Variants in AR observed in about 807,000 individuals in gnomAD.
The protein encoded by AR is dihydrotestosterone receptor.
AR carries 8 observed loss-of-function variants against 53.9 expected under a neutral mutation model. The ratio of observed to expected loss-of-function variants is 0.15; its 90% confidence interval spans 0.09 to 0.27. The LOEUF (loss-of-function observed/expected upper bound fraction) is 0.27, where lower values mean the gene tolerates loss of function less well. Ranked by LOEUF, AR falls within the 10% of genes least tolerant of loss-of-function variation. The pLI is 1.00. For missense variants in AR, 639 were observed against 742.5 expected (o/e 0.86, Z 1.62); for synonymous variants, 359 against 316.4 (o/e 1.13, Z -1.43).
chrX:67,702,463 G>T (rs1569310137), intron 3 of AR, among the ~76,000 whole-genome samples: 3 of 112,026 alleles, frequency 2.7e-5, no homozygotes, highest in Admixed American at 9.5e-5. Context: ...GATGGTCTTG[G>T]CCCAGATCAT....
chrX:67,570,077 A>G (rs1921746322), intron 1 of AR, among the ~76,000 whole-genome samples: 1 of 112,091 alleles, frequency 8.9e-6, no homozygotes, highest in Non-Finnish European at 1.9e-5. Context: ...ATGAGTGAGC[A>G]TATCCAACTC....
intron 1 of AR, among the ~76,000 whole-genome samples, chrX:67,636,408 G>A (rs1243290483): frequency 9.0e-6 from 1 of 111,187 alleles, no homozygotes; most frequent in African/African-American, 3.3e-5. Context: ...TTATATAATG[G>A]AATCATATTG....
intron 4 of AR, among the ~76,000 whole-genome samples, chrX:67,712,352 G>T (rs1231385325): frequency 8.9e-6 from 1 of 112,443 alleles, no homozygotes; most frequent in Non-Finnish European, 1.9e-5. Flanking sequence ...TGAGAGGAAA[G>T]ATTAGGTAAT....
chrX:67,663,918 C>G (rs1195299957), intron 2 of AR, among the ~76,000 whole-genome samples: 1 of 112,376 alleles, frequency 8.9e-6, no homozygotes, highest in Non-Finnish European at 1.9e-5. Flanking sequence ...TAATCGGCTA[C>G]TGAGGCTTGT....
chrX:67,627,550 C>G (rs930813718), intron 1 of AR, among the ~76,000 whole-genome samples: 6 of 110,129 alleles, frequency 5.4e-5, no homozygotes, highest in Non-Finnish European at 9.5e-5. Flanking sequence ...CAGATGAGTA[C>G]GTTGCGAAAA....
At chrX:67,695,960 G>T (rs960092312) in intron 3 of AR, 2 of 753,150 alleles carry the variant, frequency 2.7e-6, no homozygotes, top group Non-Finnish European at 3.1e-6. Flanking sequence ...CCAACAAGAA[G>T]TTCCCTAATG....
At chrX:67,591,405 A>T (rs922142104) in intron 1 of AR, among the ~76,000 whole-genome samples, 2 of 111,902 alleles carry the variant, frequency 1.8e-5, no homozygotes, top group Non-Finnish European at 3.8e-5. Context: ...TGAGAAATAA[A>T]CTGGAGAGCT....
In AR at chrX:67,722,897, T is replaced by G. The variant is rs776606572; in HGVS notation, c.2520T>G (p.Asp840Glu). The change falls in exon 7 of 8, where the codon GAT becomes GAG. Residue 840 changes from aspartate to glutamate, a missense_variant. Asp to Glu is a conservative substitution (Grantham distance 45). Around this residue, in one of 5 missense-constraint regions of AR, gnomAD observed 95 missense variants for 196.4 expected, o/e 0.48. Coordinates refer to ENST00000374690, the MANE Select transcript of AR (RefSeq NM_000044.6). ...ELRMNYIKEL[D>E]RIIACKRKNP... is the part of the protein sequence containing the mutation. ...GAATGAACTACATCAAGGAACTCGA[T>G]CGTATCATTGCATGCAAAAGAAAAA... The G allele has an allele frequency of 8.3e-7, 1 of 1,210,706 alleles. No homozygotes were observed. Among genetic ancestry groups the G allele is most frequent in the Non-Finnish European group, 1.1e-6 (1 of 894,879 alleles).
intron 2 of AR, among the ~76,000 whole-genome samples, chrX:67,675,763 C>G (rs2075896030): frequency 8.9e-6 from 1 of 111,924 alleles, no homozygotes; most frequent in African/African-American, 3.3e-5. Flanking sequence ...TGATTGCTCA[C>G]CTGATTTTTG....
intron 3 of AR, among the ~76,000 whole-genome samples, chrX:67,700,705 C>G (rs1242910834): frequency 9.0e-6 from 1 of 111,538 alleles, no homozygotes; most frequent in African/African-American, 3.3e-5. Flanking sequence ...CAGCCAAGTT[C>G]TCATTGGCAC....
At chrX:67,684,421 A>G (rs1456041515) in intron 2 of AR, among the ~76,000 whole-genome samples, 1 of 111,613 alleles carries the variant, frequency 9.0e-6, no homozygotes, top group African/African-American at 3.3e-5. Context: ...GGCCTGGTTC[A>G]TAGTAGGCAC....
At chrX:67,560,243 C>T (rs1367275838) in intron 1 of AR, among the ~76,000 whole-genome samples, 1 of 111,311 alleles carries the variant, frequency 9.0e-6, no homozygotes, top group Non-Finnish European at 1.9e-5. Context: ...AATTAGGGTG[C>T]TGAAGGGATA....
At chrX:67,699,585 G>A (rs1262679223) in intron 3 of AR, among the ~76,000 whole-genome samples, 1 of 111,342 alleles carries the variant, frequency 9.0e-6, no homozygotes, top group Non-Finnish European at 1.9e-5. Context: ...AACTGAATTA[G>A]CACCTTCATT....
intron 1 of AR, among the ~76,000 whole-genome samples, chrX:67,599,515 C>T (rs1445461181): frequency 9.0e-6 from 1 of 111,668 alleles, no homozygotes; most frequent in East Asian, 2.8e-4. Context: ...AGAATGTAAG[C>T]TTCTTGAGGA....
At chrX:67,713,027 A>G (rs970126355) in intron 4 of AR, among the ~76,000 whole-genome samples, 1 of 111,885 alleles carries the variant, frequency 8.9e-6, no homozygotes, top group African/African-American at 3.2e-5. Context: ...CCAGAACTTG[A>G]GCCCAGGTTC....
intron 2 of AR, among the ~76,000 whole-genome samples, chrX:67,665,267 T>G (rs1435946039): frequency 8.9e-6 from 1 of 112,474 alleles, no homozygotes; most frequent in Non-Finnish European, 1.9e-5. Flanking sequence ...AAAATCTTAC[T>G]TTGGTTTCTA....
chrX:67,671,591 T>C (rs1048845655), intron 2 of AR, among the ~76,000 whole-genome samples: 2 of 112,153 alleles, frequency 1.8e-5, no homozygotes, highest in East Asian at 2.8e-4. Context: ...GTGCAGAAGC[T>C]CTTTAGTTTA....
intron 1 of AR, among the ~76,000 whole-genome samples, chrX:67,562,394 G>A (rs865899194): frequency 1.9e-5 from 2 of 104,193 alleles, no homozygotes; most frequent in East Asian, 5.8e-4. Flanking sequence ...GTGTGTGTGT[G>A]TATGTGTGTG....
intron 1 of AR, among the ~76,000 whole-genome samples, chrX:67,554,098 A>T (rs1002602895): frequency 8.9e-6 from 1 of 112,358 alleles, no homozygotes; most frequent in African/African-American, 3.2e-5. Flanking sequence ...GAGTGTTTTT[A>T]AATGTTCATC....
Sources: allele counts gnomAD v4.1 joint callset (sites outside exome capture counted in the v4.1 genomes callset), GRCh38; gene constraint gnomAD v4.1.1; regional missense constraint gnomAD v4.1.1; transcripts MANE v1.5; gene names NCBI Gene and HGNC (gene_info 2026-07-23, HGNC 2026-07-21).